NEO1: variants seen among roughly 807,000 people sequenced by gnomAD.
The protein encoded by NEO1 is neogenin.
Under a neutral mutation model 159.7 loss-of-function variants are expected in NEO1, and 63 were observed. The ratio of observed to expected loss-of-function variants is 0.39; its 90% confidence interval spans 0.32 to 0.49. NEO1 has a LOEUF of 0.49. NEO1 is among the 20% of genes least tolerant of loss of function. NEO1 has a pLI of 0.85. For synonymous variants in NEO1, 633 were observed against 662.0 expected, an observed-to-expected ratio of 0.96 and a Z score of 0.67; for missense variants, 1,615 against 1,831.0, an observed-to-expected ratio of 0.88 and a Z score of 2.15.
At chr15:73,054,463 C>G (rs866256093) in intron 1 of NEO1, among the ~76,000 whole-genome samples, 6 of 152,258 alleles carry the variant, frequency 3.9e-5, no homozygotes, top group Admixed American at 6.5e-5. Flanking sequence ...AGTTTACAGT[C>G]TGGTGTGTGG....
intron 9 of NEO1, among the ~76,000 whole-genome samples, chr15:73,245,156 A>G (rs1476883321): frequency 1.3e-5 from 2 of 152,050 alleles, no homozygotes; most frequent in African/African-American, 2.4e-5. Context: ...AGTTATGATT[A>G]TGAACTTACC....
intron 5 of NEO1, among the ~76,000 whole-genome samples, chr15:73,149,362 A>G (rs376575317): frequency 3.3e-5 from 5 of 152,132 alleles, no homozygotes; most frequent in African/African-American, 9.7e-5. Context: ...GTAACAGCAA[A>G]GATACTTTTC....
At chr15:73,217,732 G>A (rs980705250) in intron 7 of NEO1, among the ~76,000 whole-genome samples, 1 of 152,084 alleles carries the variant, frequency 6.6e-6, no homozygotes, top group Non-Finnish European at 1.5e-5. Context: ...CTCTCTGTTT[G>A]TTATTGGTGT....
intron 1 of NEO1, among the ~76,000 whole-genome samples, chr15:73,099,994 C>T (rs911034542): frequency 2.6e-5 from 4 of 152,122 alleles, no homozygotes; most frequent in African/African-American, 9.7e-5. Context: ...TTATTGAAAA[C>T]TTCAGATGTT....
intron 5 of NEO1, chr15:73,162,678 G>T (rs542053427): frequency 1.9e-5 from 3 of 161,218 alleles, no homozygotes; most frequent in Non-Finnish European, 4.1e-5. Flanking sequence ...GATTACAGAT[G>T]TGAGTCATCA....
chr15:73,120,656 G>C (rs1197174485), intron 2 of NEO1, among the ~76,000 whole-genome samples: 1 of 147,660 alleles, frequency 6.8e-6, no homozygotes, highest in Non-Finnish European at 1.5e-5. Flanking sequence ...ACAATCCTGT[G>C]AGGCCTGTTA....
chr15:73,208,648 G>A (rs2037373322), intron 7 of NEO1, among the ~76,000 whole-genome samples: 1 of 152,144 alleles, frequency 6.6e-6, no homozygotes, highest in Non-Finnish European at 1.5e-5. Flanking sequence ...GATCACTTGA[G>A]CCCAGGAGTT....
At chr15:73,124,794 C>T (rs1249828805) in intron 3 of NEO1, among the ~76,000 whole-genome samples, 1 of 152,146 alleles carries the variant, frequency 6.6e-6, no homozygotes, top group Non-Finnish European at 1.5e-5. Context: ...GTCTCTCTCC[C>T]TCATTAGTAT....
intron 1 of NEO1, among the ~76,000 whole-genome samples, chr15:73,076,742 C>A (rs4635304): frequency 0.13 from 19,945 of 152,110 alleles, 2,014 homozygotes; most frequent in African/African-American, 0.28. Flanking sequence ...TGGAAGCAAG[C>A]CTGATCTTTC....
intron 7 of NEO1, among the ~76,000 whole-genome samples, chr15:73,201,408 C>T (rs1056687882): frequency 3.3e-5 from 5 of 151,798 alleles, no homozygotes; most frequent in South Asian, 2.1e-4. Flanking sequence ...TCTAATTTAA[C>T]GCTACTGTCT....
At chr15:73,073,149 A>G (rs1391088777) in intron 1 of NEO1, among the ~76,000 whole-genome samples, 3 of 152,208 alleles carry the variant, frequency 2.0e-5, no homozygotes, top group Admixed American at 2.0e-4. Flanking sequence ...ATGGGTTATT[A>G]TAAGACAGAG....
intron 5 of NEO1, among the ~76,000 whole-genome samples, chr15:73,150,336 A>G (rs1355460052): frequency 1.3e-5 from 2 of 152,162 alleles, no homozygotes; most frequent in Non-Finnish European, 2.9e-5. Flanking sequence ...TAATTTCCCA[A>G]TAAGAAAGCA....
At chr15:73,121,443 CT>C (rs1222501161) in intron 2 of NEO1, among the ~76,000 whole-genome samples, 1 of 152,132 alleles carries the variant, frequency 6.6e-6, no homozygotes, top group South Asian at 2.1e-4. Flanking sequence ...ATATTTTGTT[CT>C]GTTGCTGGTG....
chr15:73,207,645 G>A (rs1014957171), intron 7 of NEO1, among the ~76,000 whole-genome samples: 4 of 151,996 alleles, frequency 2.6e-5, no homozygotes, highest in Admixed American at 6.6e-5. Flanking sequence ...GCATAGTTTC[G>A]TCCCTACTGC....
chr15:73,079,948 A>G (rs528913416), intron 1 of NEO1, among the ~76,000 whole-genome samples: 115 of 152,354 alleles, frequency 7.5e-4, no homozygotes, highest in African/African-American at 2.6e-3. Context: ...ATGATGTATA[A>G]ATGAAAGAAA....
chr15:73,280,866 C>T (rs1487773755), intron 22 of NEO1, among the ~76,000 whole-genome samples: 2 of 151,882 alleles, frequency 1.3e-5, no homozygotes, highest in East Asian at 1.9e-4. Flanking sequence ...TCAGTTAATC[C>T]GGCGTTGTGG....
intron 7 of NEO1, among the ~76,000 whole-genome samples, chr15:73,207,531 C>A (rs999976542): frequency 6.6e-6 from 1 of 152,190 alleles, no homozygotes; most frequent in Non-Finnish European, 1.5e-5. Context: ...GTGCTCTGGG[C>A]AATATTCCAG....
chr15:73,070,267 C>A (rs985045398), intron 1 of NEO1, among the ~76,000 whole-genome samples: 1 of 152,144 alleles, frequency 6.6e-6, no homozygotes, highest in African/African-American at 2.4e-5. Context: ...ATAAAAAATA[C>A]ACTTGATGCC....
chr15:73,172,123 A>G (rs1182103897), intron 5 of NEO1, among the ~76,000 whole-genome samples: 1 of 152,214 alleles, frequency 6.6e-6, no homozygotes, highest in Non-Finnish European at 1.5e-5. Flanking sequence ...TAGATGAATC[A>G]GTATTGACCA....
Sources: gnomAD v4.1 joint callset for allele counts (sites outside exome capture counted in the v4.1 genomes callset) on GRCh38, gnomAD v4.1.1 for gene constraint, MANE v1.5 for transcripts, NCBI Gene and HGNC (gene_info 2026-07-23, HGNC 2026-07-21) for gene names.